The following CLN8 variants were observed in gnomAD, a reference collection of about 807,000 sequenced individuals.
CLN8 encodes the protein protein CLN8.
In CLN8, 14 loss-of-function variants were observed where a neutral mutation model predicts 15.7. The ratio of observed to expected loss-of-function variants is 0.89; its 90% CI spans 0.59 to 1.39. CLN8 has a LOEUF of 1.39. CLN8 is among the 40% of genes most tolerant of loss of function. The probability of loss-of-function intolerance (pLI) is 0.00; values close to 1 mark genes in which losing one functional copy is unlikely to be tolerated. For missense variants in CLN8, 415 were observed against 364.0 expected, an observed-to-expected ratio of 1.14 and a Z score of -1.14; for synonymous variants, 188 against 151.0, an observed-to-expected ratio of 1.25 and a Z score of -1.80.
At chr8:1,779,323 G>T (rs575021944) in intron 2 of CLN8, among the ~76,000 whole-genome samples, 2 of 152,312 alleles carry the variant, frequency 1.3e-5, no homozygotes, top group Non-Finnish European at 2.9e-5. Context: ...GCTCAGTGCA[G>T]TCTCTGCCTC....
chr8:1,762,091 A>G (rs1358022449), upstream of CLN8: 1 of 152,248 alleles, frequency 6.6e-6, no homozygotes, highest in Non-Finnish European at 1.5e-5. Flanking sequence ...TTGGAGGTTA[A>G]AAGTAGGATG....
In CLN8 at chr8:1,771,113, C is replaced by G. The variant is rs749651452; in HGVS notation, c.59C>G (p.Ser20Cys). 5.0e-5 allele frequency: 80 copies of G among 1,613,890 alleles called. No individual in the cohort carries two copies. The highest frequency in any genetic ancestry group is 3.3e-4 in the Admixed American group (20 of 59,974). ...AGCATTTTTGACCTGGACTATGCAT[C>G]CTGGGGGATCCGCTCCACGCTGATG... ...SESIFDLDYA[S>C]WGIRSTLMVA... The change falls in exon 2 of 3, where the codon TCC becomes TGC. Residue 20 changes from serine (S) to cysteine (C), a missense_variant. Coordinates refer to ENST00000331222, the MANE Select transcript of CLN8 (RefSeq NM_018941.4).
chr8:1,776,360 C>T (rs1006507866), intron 2 of CLN8, among the ~76,000 whole-genome samples: 1 of 150,658 alleles, frequency 6.6e-6, no homozygotes, highest in South Asian at 2.1e-4. Flanking sequence ...CATGTGGCCC[C>T]GCTCCTGTAC....
At chr8:1,778,179 C>A (rs1801587991) in intron 2 of CLN8, among the ~76,000 whole-genome samples, 1 of 152,188 alleles carries the variant, frequency 6.6e-6, no homozygotes, top group African/African-American at 2.4e-5. Context: ...CTGTTTACCA[C>A]CCAGACAAGG....
chr8:1,766,923 G>A (rs1332408291), intron 1 of CLN8, among the ~76,000 whole-genome samples: 1 of 152,234 alleles, frequency 6.6e-6, no homozygotes, highest in Non-Finnish European at 1.5e-5. Context: ...CTGCCTGACA[G>A]AACAAGGCCT....
At chr8:1,763,169 C>G (rs1004806437), upstream of CLN8, 2 of 151,984 alleles carry the variant, frequency 1.3e-5, no homozygotes, top group Non-Finnish European at 2.9e-5. Flanking sequence ...CCGTCCACAC[C>G]CGGAGCGCGA....
chr8:1,771,457 C>G lies in CLN8; in HGVS notation c.403C>G (p.Leu135Val). The change falls in exon 2 of 3, where the codon CTG (leucine) becomes GTG (valine). Residue 135 changes from leucine to valine, a missense_variant. Leu to Val is a conservative substitution (Grantham distance 32, BLOSUM62 1). Transcript: ENST00000331222. Reference sequence around the variant, plus strand: ...GATCTTCCGGACATTTGACTTGTTTCTGGTTATCCACCATCTCTTTGCCTT... The same window carrying G: ...GATCTTCCGGACATTTGACTTGTTTGTGGTTATCCACCATCTCTTTGCCTT... ...NLIFRTFDLF[L>V]VIHHLFAFLG... The G allele has an allele frequency of 6.2e-7, 1 of 1,614,200 alleles. No homozygotes were observed. The highest frequency in any genetic ancestry group is 8.5e-7 in the Non-Finnish European group (1 of 1,180,034).
intron 2 of CLN8, among the ~76,000 whole-genome samples, chr8:1,775,820 T>A (rs1801489984): frequency 6.6e-6 from 1 of 152,192 alleles, no homozygotes; most frequent in South Asian, 2.1e-4. Flanking sequence ...CTCTTTTCAC[T>A]CCTGTTGATA....
At chr8:1,758,535 A>G (rs1317018599) in intron 1 of CLN8, 1 of 152,212 alleles carries the variant, frequency 6.6e-6, no homozygotes, top group Non-Finnish European at 1.5e-5. Context: ...CCATGACGTC[A>G]TTTCAGTTCT....
chr8:1,763,038 A>C (rs952021491), upstream of CLN8: 1 of 152,224 alleles, frequency 6.6e-6, no homozygotes, highest in Non-Finnish European at 1.5e-5. Context: ...CAAACTGCGG[A>C]AACTCCTACA....
At chr8:1,771,684 C>A in intron 2 of CLN8, 87 bp downstream of exon 2, 2 of 1,249,710 alleles carry the variant, frequency 1.6e-6, no homozygotes, top group Non-Finnish European at 2.3e-6. Context: ...ATAAACTCAA[C>A]AGCAGGCTGG....
At chr8:1,776,364 C>T (rs1563111657) in intron 2 of CLN8, among the ~76,000 whole-genome samples, 1 of 151,680 alleles carries the variant, frequency 6.6e-6, no homozygotes, top group Non-Finnish European at 1.5e-5. Context: ...TGGCCCCGCT[C>T]CTGTACACAC....
At chr8:1,768,097 C>A (rs1407935093) in intron 1 of CLN8, among the ~76,000 whole-genome samples, 1 of 151,974 alleles carries the variant, frequency 6.6e-6, no homozygotes, top group Non-Finnish European at 1.5e-5. Context: ...GTGCGCACCA[C>A]CACGCCTGGC....
At chr8:1,761,458 G>C (rs535146620), upstream of CLN8, among the ~76,000 whole-genome samples, 5 of 152,306 alleles carry the variant, frequency 3.3e-5, no homozygotes, top group Admixed American at 6.5e-5. Context: ...CCAAGTAGTT[G>C]GCATTACAGG....
upstream of CLN8, among the ~76,000 whole-genome samples, chr8:1,761,420 G>A (rs1309230541): frequency 1.3e-5 from 2 of 152,180 alleles, no homozygotes; most frequent in African/African-American, 4.8e-5. Context: ...CGCCTTCAGG[G>A]TTCAAGCAAT....
chr8:1,756,529 A>T (rs1038655235), intron 1 of CLN8, among the ~76,000 whole-genome samples: 1 of 151,902 alleles, frequency 6.6e-6, no homozygotes, highest in Non-Finnish European at 1.5e-5. Flanking sequence ...TCTTTTATAC[A>T]TCTGTATATT....
chr8:1,776,022 A>G (rs538296162), intron 2 of CLN8, among the ~76,000 whole-genome samples: 18 of 151,504 alleles, frequency 1.2e-4, no homozygotes, highest in Admixed American at 2.0e-4. Context: ...GTGGTGCTCC[A>G]GCACACACGA....
At chr8:1,776,534 G>A (rs1801523957) in intron 2 of CLN8, among the ~76,000 whole-genome samples, 1 of 152,052 alleles carries the variant, frequency 6.6e-6, no homozygotes, top group African/African-American at 2.4e-5. Context: ...ACACACACGT[G>A]ATGACAGAAG....
At chr8:1,780,082 T>C (rs1244886909) in intron 2 of CLN8, 168 bp from the exon 3 acceptor site, 16 of 985,358 alleles carry the variant, frequency 1.6e-5, no homozygotes, top group Non-Finnish European at 1.9e-5. Context: ...GGTGGCCTCC[T>C]TTCAGAATGA....
Sources: gnomAD v4.1 joint callset for allele counts (sites outside exome capture counted in the v4.1 genomes callset) on GRCh38, gnomAD v4.1.1 for gene constraint, MANE v1.5 for transcripts, NCBI Gene and HGNC (gene_info 2026-07-23, HGNC 2026-07-21) for gene names.